Variants in FBXL7 observed in about 807,000 individuals in gnomAD.
FBXL7 encodes F-box/LRR-repeat protein 7.
FBXL7 carries 12 observed loss-of-function variants against 38.3 expected under a neutral mutation model. The ratio of observed to expected loss-of-function variants is 0.31; its 90% confidence interval spans 0.20 to 0.51. The LOEUF is 0.51. FBXL7 is among the 20% of genes least tolerant of loss of function. FBXL7 has a pLI of 0.98. For missense variants in FBXL7, 567 were observed against 676.4 expected (o/e 0.84, Z 1.79); for synonymous variants, 297 against 300.9 (o/e 0.99, Z 0.13).
intron 2 of FBXL7, among the ~76,000 whole-genome samples, chr5:15,816,837 C>T (rs187980395): frequency 3.4e-4 from 51 of 152,218 alleles, no homozygotes; most frequent in African/African-American, 6.0e-4. Flanking sequence ...TACACATTTT[C>T]GGAGTAAATT....
intron 2 of FBXL7, among the ~76,000 whole-genome samples, chr5:15,669,733 C>T (rs560204135): frequency 6.6e-6 from 1 of 152,272 alleles, no homozygotes; most frequent in African/African-American, 2.4e-5. Flanking sequence ...TCTCAGAGGA[C>T]ACAAACTAAC....
chr5:15,646,591 T>G (rs1414467621), intron 2 of FBXL7, among the ~76,000 whole-genome samples: 1 of 152,242 alleles, frequency 6.6e-6, no homozygotes, highest in Admixed American at 6.5e-5. Flanking sequence ...CCCCAAATTG[T>G]TTACAGCTGT....
At chr5:15,561,496 C>A (rs1230270670) in intron 1 of FBXL7, among the ~76,000 whole-genome samples, 1 of 152,130 alleles carries the variant, frequency 6.6e-6, no homozygotes, top group Non-Finnish European at 1.5e-5. Context: ...CATATCTTGG[C>A]TATTGTCAAT....
chr5:15,595,595 A>G (rs941243165), intron 1 of FBXL7, among the ~76,000 whole-genome samples: 2 of 152,212 alleles, frequency 1.3e-5, no homozygotes, highest in African/African-American at 4.8e-5. Flanking sequence ...TTTGTTGAGC[A>G]CTTACTATGT....
chr5:15,553,223 G>A (rs754500442), intron 1 of FBXL7, among the ~76,000 whole-genome samples: 133 of 152,058 alleles, frequency 8.7e-4, no homozygotes, highest in Non-Finnish European at 1.7e-3. Context: ...CCTTCTCTCT[G>A]CAACACCCTG....
intron 2 of FBXL7, among the ~76,000 whole-genome samples, chr5:15,662,330 A>G (rs1742113487): frequency 6.6e-6 from 1 of 151,998 alleles, no homozygotes; most frequent in African/African-American, 2.4e-5. Context: ...TCTTTGCCCA[A>G]TTTTAAATTT....
intron 2 of FBXL7, among the ~76,000 whole-genome samples, chr5:15,664,463 CTTTTCCTTTTTTTT>C (rs1170626281): frequency 1.5e-5 from 2 of 132,156 alleles, no homozygotes; most frequent in Non-Finnish European, 3.3e-5. Flanking sequence ...CTCTTTTTTT[CTTTTCCTTTTTTTT>C]TTTTTTTTTT....
At chr5:15,832,046 C>T (rs1298434558) in intron 2 of FBXL7, among the ~76,000 whole-genome samples, 1 of 152,166 alleles carries the variant, frequency 6.6e-6, no homozygotes, top group Non-Finnish European at 1.5e-5. Context: ...AAACTCTCTA[C>T]TCTAAATACT....
At chr5:15,915,768 A>G (rs376978403) in intron 2 of FBXL7, among the ~76,000 whole-genome samples, 28 of 152,296 alleles carry the variant, frequency 1.8e-4, no homozygotes, top group African/African-American at 6.7e-4. Context: ...TGGAGTCCAT[A>G]TTAGTAAGGT....
chr5:15,898,152 AT>A (rs1416554517), intron 2 of FBXL7, among the ~76,000 whole-genome samples: 2 of 152,096 alleles, frequency 1.3e-5, no homozygotes, highest in African/African-American at 4.8e-5. Context: ...AGAAACCAGG[AT>A]TTCACCTACA....
chr5:15,595,182 A>G (rs2126485823), intron 1 of FBXL7, among the ~76,000 whole-genome samples: 1 of 152,352 alleles, frequency 6.6e-6, no homozygotes, highest in Middle Eastern at 3.4e-3. Flanking sequence ...TAATCCCAAG[A>G]GTACTATAAG....
At chr5:15,528,810 C>A (rs1438325504) in intron 1 of FBXL7, among the ~76,000 whole-genome samples, 1 of 151,948 alleles carries the variant, frequency 6.6e-6, no homozygotes, top group Non-Finnish European at 1.5e-5. Context: ...ATTTATTTAG[C>A]CTTTAATTGA....
chr5:15,845,339 T>C (rs528929333), intron 2 of FBXL7, among the ~76,000 whole-genome samples: 98 of 152,300 alleles, frequency 6.4e-4, no homozygotes, highest in African/African-American at 2.1e-3. Flanking sequence ...TAAGTTCCCA[T>C]TGATGGGTGA....
intron 1 of FBXL7, among the ~76,000 whole-genome samples, chr5:15,513,013 G>A (rs1736843233): frequency 6.6e-6 from 1 of 152,088 alleles, no homozygotes; most frequent in South Asian, 2.1e-4. Flanking sequence ...TGGCTTTGTA[G>A]CTCTAGTTTT....
intron 2 of FBXL7, among the ~76,000 whole-genome samples, chr5:15,629,997 G>T (rs1026788383): frequency 2.0e-5 from 3 of 152,138 alleles, no homozygotes; most frequent in African/African-American, 7.2e-5. Flanking sequence ...ACTCTTAGTT[G>T]TCTCTTGTGT....
intron 2 of FBXL7, among the ~76,000 whole-genome samples, chr5:15,903,579 A>G (rs1029840068): frequency 6.6e-6 from 1 of 152,128 alleles, no homozygotes; most frequent in Non-Finnish European, 1.5e-5. Flanking sequence ...AATATCCTTT[A>G]AAGGAGGTTA....
At chr5:15,605,834 A>G (rs1389289230) in intron 1 of FBXL7, among the ~76,000 whole-genome samples, 1 of 152,280 alleles carries the variant, frequency 6.6e-6, no homozygotes, top group African/African-American at 2.4e-5. Context: ...TCATTTGGCA[A>G]TGGCGCAAAT....
chr5:15,529,607 C>CGCG lies in FBXL7; in HGVS notation c.37+28895_37+28897dup, dbSNP rs527921343. On this transcript the variant is annotated intron_variant, in intron 1 of 3. Transcript: ENST00000504595. ...GTTTCACCGTGTTAGCCAGGATGGT[C>CGCG]GCGATCTCCTGACCTCGTGATCCAC... Among the ~76,000 whole-genome samples the CGCG allele has an allele frequency of 2.3e-3, 343 of 152,182 alleles. 2 individuals are homozygous for CGCG. Among genetic ancestry groups the CGCG allele is most frequent in the African/African-American group, 7.4e-3 (307 of 41,518 alleles).
chr5:15,727,710 T>A (rs982389274), intron 2 of FBXL7, among the ~76,000 whole-genome samples: 2 of 152,144 alleles, frequency 1.3e-5, no homozygotes, highest in Non-Finnish European at 2.9e-5. Context: ...CACTTTGAGG[T>A]TACATTATTT....
Sources: allele counts gnomAD v4.1 joint callset (sites outside exome capture counted in the v4.1 genomes callset), GRCh38; gene constraint gnomAD v4.1.1; transcripts MANE v1.5; gene names NCBI Gene and HGNC (gene_info 2026-07-23, HGNC 2026-07-21).